WIPF2: variants seen among roughly 807,000 people sequenced by gnomAD.
The protein encoded by WIPF2 is WAS/WASL-interacting protein family member 2.
WIPF2 carries 23 observed loss-of-function variants against 38.8 expected under a neutral mutation model. The observed-to-expected ratio is 0.59, with a 90% CI of 0.43 to 0.84. The LOEUF (loss-of-function observed/expected upper bound fraction) is 0.84. Among genes scored for constraint, WIPF2 ranks in the 40% least tolerant of loss-of-function variants. The pLI is 0.00. For missense variants in WIPF2, 574 were observed against 580.5 expected (o/e 0.99, Z 0.11); for synonymous variants, 210 against 223.2 (o/e 0.94, Z 0.53).
chr17:40,255,862 G>A (rs1191911500), intron 1 of WIPF2, among the ~76,000 whole-genome samples: 16 of 151,506 alleles, frequency 1.1e-4, no homozygotes, highest in African/African-American at 4.8e-5. Flanking sequence ...TCCTGACTTC[G>A]TGATCCACCC....
intron 6 of WIPF2, 138 bp downstream of exon 6, chr17:40,274,137 T>G (rs2032322064): frequency 4.6e-6 from 3 of 656,758 alleles, no homozygotes; most frequent in Admixed American, 7.2e-5. Context: ...CCTGCTGACT[T>G]CATCCTCAGA....
rs1794054182 is a variant in WIPF2, at chr17:40,222,359, C to T, written c.-70+2867C>T. On this transcript the variant is annotated intron_variant, in intron 1 of 7. Coordinates refer to ENST00000323571, the MANE Select transcript of WIPF2 (RefSeq NM_133264.5). Reference sequence around the variant, plus strand: ...GAGCCACCGCGCCTGGCCGACCTGTCTCTTAAAGGAAAACAAGGCTGGGCG... The same window carrying T: ...GAGCCACCGCGCCTGGCCGACCTGTTTCTTAAAGGAAAACAAGGCTGGGCG... 2.0e-5 allele frequency among the ~76,000 whole-genome samples: 3 copies of T among 151,284 alleles called. No individual in the cohort carries two copies. In the South Asian group the frequency reaches 6.3e-4, roughly 32 times the overall value.
At chr17:40,245,845 G>A (rs941083891) in intron 1 of WIPF2, among the ~76,000 whole-genome samples, 23 of 152,188 alleles carry the variant, frequency 1.5e-4, no homozygotes, top group Non-Finnish European at 3.2e-4. Context: ...TTGGCACTCA[G>A]TGGGTGCTTC....
rs753717810 is a variant in WIPF2 at position 40,247,646 on chromosome 17, C to T, written c.-69-8745C>T. On this transcript the variant is annotated intron_variant, in intron 1 of 7. Transcript: ENST00000323571. ...AAGTGATTCTCGTGCCTCAGCCTCCCGAGTAGCTGGAGTTACAGGCGTTTG... is the reference window on the plus strand; with the variant it reads ...AAGTGATTCTCGTGCCTCAGCCTCCTGAGTAGCTGGAGTTACAGGCGTTTG... Among the ~76,000 whole-genome samples, 16 of 150,980 alleles carry T rather than the reference C, an allele frequency of 1.1e-4. No homozygotes were observed. In the South Asian group the frequency reaches 1.7e-3, roughly 16 times the overall value.
At chr17:40,272,022 C>CT (rs112586864) in intron 5 of WIPF2, among the ~76,000 whole-genome samples, 17,780 of 142,100 alleles carry the variant, frequency 0.13, 1,150 homozygotes, top group East Asian at 0.3. Flanking sequence ...TGAACATTTT[C>CT]TTTTTTTTTT....
At chr17:40,240,012 A>G (rs538145225) in intron 1 of WIPF2, among the ~76,000 whole-genome samples, 3 of 150,236 alleles carry the variant, frequency 2.0e-5, no homozygotes, top group South Asian at 2.1e-4. Flanking sequence ...TAACTTTTCT[A>G]ATTTGCCTGG....
rs1382655596 is a variant in WIPF2 at position 40,282,820 on chromosome 17, A to G, written c.*4595A>G. ...CCAGGTCCCTTGAAAAAGTAGATCT[A>G]CTGAATTGGGCAGACTCATCTATAG... On this transcript the variant is annotated 3_prime_UTR_variant, in exon 8 of 8. Transcript: ENST00000323571. 1 of 152,120 alleles carries G rather than the reference A, an allele frequency of 6.6e-6. No homozygotes were observed. The highest frequency in any genetic ancestry group is 1.5e-5 in the Non-Finnish European group (1 of 68,042). 9.4% of individuals were successfully genotyped at this position (152,120 alleles called of 1,614,324 possible). A position where few individuals can be genotyped will look rare whatever the true frequency, so the allele number is the denominator to read the frequency against.
chr17:40,222,587 T>TGTGTTTGTGTG (rs1027492144), intron 1 of WIPF2, among the ~76,000 whole-genome samples: 5 of 146,422 alleles, frequency 3.4e-5, no homozygotes, highest in African/African-American at 1.3e-4. Flanking sequence ...GTGTGTGTGT[T>TGTGTTTGTGTG]TGTGTGTGTG....
chr17:40,277,175 A>G lies in WIPF2; in HGVS notation c.1273A>G (p.Thr425Ala), dbSNP rs1475191372. The change falls in exon 7 of 8, where the codon ACA becomes GCA. Residue 425 changes from threonine (T) to alanine (A), a missense_variant. Thr to Ala is a moderately conservative substitution (Grantham distance 58). Transcript: ENST00000323571. ...KHFQRIYPSK[T>A]NRAARGAPPL... ...CTTTCAGAGGATATATCCCAGCAAA[A>G]CAAACCGAGGTGAGAATAATAATAA... 1.9e-6 allele frequency: 3 copies of G among 1,609,142 alleles called. No homozygotes were observed. Among genetic ancestry groups the G allele is most frequent in the Non-Finnish European group, 1.7e-6 (2 of 1,176,864 alleles).
chr17:40,222,945 A>G (rs1310893942), intron 1 of WIPF2, among the ~76,000 whole-genome samples: 1 of 149,768 alleles, frequency 6.7e-6, no homozygotes, highest in African/African-American at 2.5e-5. Flanking sequence ...TGTTGAGATT[A>G]CAGGCATGAG....
intron 1 of WIPF2, among the ~76,000 whole-genome samples, chr17:40,235,381 A>G (rs2030926059): frequency 6.6e-6 from 1 of 152,102 alleles, no homozygotes; most frequent in Non-Finnish European, 1.5e-5. Flanking sequence ...TTCCTTGTGT[A>G]GTTTTTCCCT....
intron 1 of WIPF2, among the ~76,000 whole-genome samples, chr17:40,239,172 C>T (rs1237681464): frequency 3.3e-5 from 5 of 151,096 alleles, no homozygotes; most frequent in Admixed American, 1.3e-4. Context: ...CCCAGGTTCA[C>T]GCCATTCTCC....
chr17:40,267,483 A>G (rs986788425), intron 5 of WIPF2, among the ~76,000 whole-genome samples: 1 of 152,132 alleles, frequency 6.6e-6, no homozygotes, highest in African/African-American at 2.4e-5. Flanking sequence ...ATATCGTTGT[A>G]TCATTAGACT....
intron 1 of WIPF2, among the ~76,000 whole-genome samples, chr17:40,221,586 T>G (rs1167272891): frequency 6.6e-6 from 1 of 151,410 alleles, no homozygotes; most frequent in African/African-American, 2.4e-5. Flanking sequence ...TCTCTTTTTT[T>G]GTTTGTTTGT....
chr17:40,259,052 T>C (rs2031819211), intron 2 of WIPF2, among the ~76,000 whole-genome samples: 1 of 149,256 alleles, frequency 6.7e-6, no homozygotes, highest in African/African-American at 2.4e-5. Flanking sequence ...GATAAGTTTT[T>C]TTTTTTTGTA....
intron 1 of WIPF2, among the ~76,000 whole-genome samples, chr17:40,224,900 A>G (rs1209574403): frequency 6.6e-6 from 1 of 151,826 alleles, no homozygotes; most frequent in African/African-American, 2.4e-5. Flanking sequence ...CTTGAGTGTG[A>G]TTGTTGATCT....
chr17:40,226,679 T>C (rs1380052384), intron 1 of WIPF2, among the ~76,000 whole-genome samples: 1 of 152,214 alleles, frequency 6.6e-6, no homozygotes, highest in South Asian at 2.1e-4. Context: ...ACTGCTTCTT[T>C]CCTTGTCTTA....
chr17:40,275,965 A>G (rs1313256136), intron 6 of WIPF2, among the ~76,000 whole-genome samples: 1 of 152,154 alleles, frequency 6.6e-6, no homozygotes, highest in African/African-American at 2.4e-5. Flanking sequence ...TTAAAGATAT[A>G]TCCTTATTGT....
chr17:40,267,825 C>T (rs2032139024), intron 5 of WIPF2, among the ~76,000 whole-genome samples: 1 of 152,114 alleles, frequency 6.6e-6, no homozygotes, highest in Non-Finnish European at 1.5e-5. Flanking sequence ...TCAGTTTCTA[C>T]AGGTATAGAA....
Sources: allele counts gnomAD v4.1 joint callset (sites outside exome capture counted in the v4.1 genomes callset), GRCh38; gene constraint gnomAD v4.1.1; transcripts MANE v1.5; gene names NCBI Gene and HGNC (gene_info 2026-07-23, HGNC 2026-07-21).